DSCAML1: variants seen among roughly 807,000 people sequenced by gnomAD.
DSCAML1 encodes cell adhesion molecule DSCAML1.
Under a neutral mutation model 200.5 loss-of-function variants are expected in DSCAML1, and 38 were observed. That is an observed-to-expected ratio of 0.19 (90% CI 0.15 to 0.25). The LOEUF (loss-of-function observed/expected upper bound fraction) is 0.25. DSCAML1 is among the 10% of genes least tolerant of loss of function. DSCAML1 has a pLI of 1.00. For synonymous variants in DSCAML1, 1,215 were observed against 1,165.0 expected (o/e 1.04, Z -0.87); for missense variants, 2,223 against 2,858.8 (o/e 0.78, Z 5.07).
intron 3 of DSCAML1, among the ~76,000 whole-genome samples, chr11:117,643,674 C>G (rs982233097): frequency 1.3e-5 from 2 of 152,098 alleles, no homozygotes; most frequent in Non-Finnish European, 2.9e-5. Flanking sequence ...AGACCCTCAT[C>G]TCCTGCAGGG....
intron 3 of DSCAML1, among the ~76,000 whole-genome samples, chr11:117,697,773 CTTTT>C (rs571575861): frequency 1.4e-5 from 2 of 138,062 alleles, no homozygotes; most frequent in Admixed American, 7.3e-5. Context: ...TCAAAATTTC[CTTTT>C]TTTTTTTTTT....
intron 3 of DSCAML1, among the ~76,000 whole-genome samples, chr11:117,555,729 G>A (rs570188333): frequency 1.7e-3 from 256 of 152,256 alleles, no homozygotes; most frequent in South Asian, 6.2e-3. Flanking sequence ...AGTGACCAGA[G>A]AGGAGCCTGC....
chr11:117,805,550 T>C (rs1413764934), intron 1 of DSCAML1, among the ~76,000 whole-genome samples: 2 of 152,204 alleles, frequency 1.3e-5, no homozygotes, highest in Non-Finnish European at 2.9e-5. Flanking sequence ...GTTTTTGTTT[T>C]TGTTTTTTAC....
At chr11:117,537,462 G>A (rs1250872979) in intron 3 of DSCAML1, among the ~76,000 whole-genome samples, 4 of 152,314 alleles carry the variant, frequency 2.6e-5, no homozygotes, top group South Asian at 2.1e-4. Context: ...CACCAGGGGT[G>A]GCGGGGAAAG....
At chr11:117,641,850 C>T (rs896791683) in intron 3 of DSCAML1, among the ~76,000 whole-genome samples, 2 of 152,240 alleles carry the variant, frequency 1.3e-5, no homozygotes, top group African/African-American at 4.8e-5. Flanking sequence ...TACTGCATAT[C>T]GTACCCAGCC....
At chr11:117,708,396 G>C (rs17121102) in intron 3 of DSCAML1, among the ~76,000 whole-genome samples, 8,803 of 152,216 alleles carry the variant, frequency 0.058, 644 homozygotes, top group African/African-American at 0.17. Context: ...ACGATCTTAG[G>C]AACTTAAAGT....
chr11:117,787,371 G>A (rs542608430), intron 1 of DSCAML1, among the ~76,000 whole-genome samples: 1 of 152,152 alleles, frequency 6.6e-6, no homozygotes. Flanking sequence ...AAGTATTTGT[G>A]GGAAAAGTGA....
At chr11:117,662,396 G>C (rs1178803662) in intron 3 of DSCAML1, among the ~76,000 whole-genome samples, 1 of 152,242 alleles carries the variant, frequency 6.6e-6, no homozygotes, top group East Asian at 1.9e-4. Context: ...GTATGAGAGG[G>C]AGCACAATTG....
At chr11:117,574,525 A>AG (rs1328699932) in intron 3 of DSCAML1, among the ~76,000 whole-genome samples, 1 of 151,980 alleles carries the variant, frequency 6.6e-6, no homozygotes, top group African/African-American at 2.4e-5. Flanking sequence ...CTCCAGATGC[A>AG]GGGGCCCTTT....
intron 3 of DSCAML1, among the ~76,000 whole-genome samples, chr11:117,755,003 T>G (rs959862835): frequency 8.5e-5 from 13 of 152,158 alleles, no homozygotes; most frequent in Non-Finnish European, 1.5e-4. Context: ...CCTTCTCCTG[T>G]TGCCCTAATG....
intron 8 of DSCAML1, among the ~76,000 whole-genome samples, chr11:117,508,655 G>T (rs2049556642): frequency 6.6e-6 from 1 of 152,094 alleles, no homozygotes; most frequent in Non-Finnish European, 1.5e-5. Flanking sequence ...AAGCTGCTGT[G>T]ATTTGAGAGC....
chr11:117,687,195 A>G (rs936396738), intron 3 of DSCAML1, among the ~76,000 whole-genome samples: 1 of 152,160 alleles, frequency 6.6e-6, no homozygotes, highest in African/African-American at 2.4e-5. Flanking sequence ...TCACAGGTAA[A>G]GAAGTTCAAG....
chr11:117,815,632 C>T (rs947369000), intron 1 of DSCAML1, among the ~76,000 whole-genome samples: 2 of 152,038 alleles, frequency 1.3e-5, no homozygotes, highest in Non-Finnish European at 2.9e-5. Context: ...CGGTGACTGG[C>T]GGCCTCCTGG....
chr11:117,614,007 A>G (rs938680313), intron 3 of DSCAML1, among the ~76,000 whole-genome samples: 1 of 151,926 alleles, frequency 6.6e-6, no homozygotes, highest in Non-Finnish European at 1.5e-5. Context: ...TGGGTGAAGG[A>G]GGGGCTACTT....
intron 1 of DSCAML1, among the ~76,000 whole-genome samples, chr11:117,786,217 A>T (rs1401155359): frequency 6.6e-6 from 1 of 152,206 alleles, no homozygotes; most frequent in Non-Finnish European, 1.5e-5. Flanking sequence ...TTCTGGTCAA[A>T]GGGGGAAATG....
intron 3 of DSCAML1, among the ~76,000 whole-genome samples, chr11:117,682,767 A>G (rs1005886640): frequency 7.2e-5 from 11 of 152,202 alleles, no homozygotes; most frequent in African/African-American, 2.7e-4. Flanking sequence ...TGACAGAGAC[A>G]GGTACATGAC....
chr11:117,700,129 G>A (rs888286733), intron 3 of DSCAML1, among the ~76,000 whole-genome samples: 1 of 152,208 alleles, frequency 6.6e-6, no homozygotes, highest in Non-Finnish European at 1.5e-5. Context: ...ATTCAATTCT[G>A]AATTCACGGG....
intron 3 of DSCAML1, among the ~76,000 whole-genome samples, chr11:117,673,845 C>A (rs544926304): frequency 6.6e-6 from 1 of 152,344 alleles, no homozygotes; most frequent in African/African-American, 2.4e-5. Context: ...AACATTGATT[C>A]ATTCCCCAAC....
intron 14 of DSCAML1, among the ~76,000 whole-genome samples, chr11:117,472,388 A>G (rs1384985098): frequency 1.3e-5 from 2 of 152,290 alleles, no homozygotes; most frequent in East Asian, 3.9e-4. Flanking sequence ...GTCTCCCCTC[A>G]CATCAGTGAC....
Sources: allele counts gnomAD v4.1 joint callset (sites outside exome capture counted in the v4.1 genomes callset), GRCh38; gene constraint gnomAD v4.1.1; transcripts MANE v1.5; gene names NCBI Gene and HGNC (gene_info 2026-07-23, HGNC 2026-07-21).